The following SUSD1 variants were observed in gnomAD, a reference collection of about 807,000 sequenced individuals.
SUSD1 encodes sushi domain-containing protein 1.
In SUSD1, 65 loss-of-function variants were observed where a neutral mutation model predicts 86.9. The ratio of observed to expected loss-of-function variants is 0.75; its 90% CI spans 0.61 to 0.92. SUSD1 has a LOEUF of 0.92. Among genes scored for constraint, SUSD1 ranks in the 40% least tolerant of loss-of-function variants. The pLI is 0.00. For missense variants in SUSD1, 850 were observed against 929.7 expected, an observed-to-expected ratio of 0.91 and a Z score of 1.11; for synonymous variants, 346 against 350.0, an observed-to-expected ratio of 0.99 and a Z score of 0.13.
chr9:112,134,386 A>T (rs1268344175), intron 5 of SUSD1, among the ~76,000 whole-genome samples: 1 of 152,254 alleles, frequency 6.6e-6, no homozygotes, highest in African/African-American at 2.4e-5. Flanking sequence ...CACAACCATA[A>T]AAAATAAAAT....
At chr9:112,092,668 G>T (rs1830250126) in intron 10 of SUSD1, among the ~76,000 whole-genome samples, 1 of 152,050 alleles carries the variant, frequency 6.6e-6, no homozygotes, top group Admixed American at 6.5e-5. Flanking sequence ...ATATACCCAT[G>T]CAGGTCACTT....
At chr9:112,088,455 A>C (rs1320548037) in intron 10 of SUSD1, among the ~76,000 whole-genome samples, 1 of 152,234 alleles carries the variant, frequency 6.6e-6, no homozygotes, top group Non-Finnish European at 1.5e-5. Flanking sequence ...GTTGAATGTC[A>C]TAAAGGCAAT....
At chr9:112,115,921 G>A (rs897710173) in intron 6 of SUSD1, among the ~76,000 whole-genome samples, 2 of 151,624 alleles carry the variant, frequency 1.3e-5, no homozygotes, top group African/African-American at 4.8e-5. Context: ...TAAAGATGAT[G>A]TTGGTACCAG....
At chr9:112,079,270 AACAC>A (rs762717521) in intron 11 of SUSD1, among the ~76,000 whole-genome samples, 1 of 152,156 alleles carries the variant, frequency 6.6e-6, no homozygotes, top group Non-Finnish European at 1.5e-5. Context: ...TTTAAATAAA[AACAC>A]ACAAAAGGCT....
At position 112,112,010 on chromosome 9, in the gene SUSD1, A is replaced by C. The variant is rs567885179; in HGVS notation, c.985-170T>G. 427 of 616,534 alleles carry C rather than the reference A, an allele frequency of 6.9e-4. 8 individuals are homozygous for C. In the South Asian group the frequency reaches 8.7e-3, roughly 13 times the overall value. 38.2% of individuals were successfully genotyped at this position (616,534 alleles called of 1,614,324 possible). A position where few individuals can be genotyped will look rare whatever the true frequency, so the allele number is the denominator to read the frequency against. ...TGATAAAGTCTGATCAGCCCAGTGAATATTAAACCCCTAGAGGAGACATAA... is the reference window on the plus strand; with the variant it reads ...TGATAAAGTCTGATCAGCCCAGTGACTATTAAACCCCTAGAGGAGACATAA... On this transcript the variant is annotated intron_variant, in intron 7 of 16. Coordinates refer to ENST00000374270, the MANE Select transcript of SUSD1 (RefSeq NM_022486.5).
intron 5 of SUSD1, among the ~76,000 whole-genome samples, chr9:112,128,624 C>T (rs1831881013): frequency 6.6e-6 from 1 of 152,148 alleles, no homozygotes; most frequent in Non-Finnish European, 1.5e-5. Context: ...AAACTCCTGA[C>T]CTCAAGTGAT....
intron 1 of SUSD1, among the ~76,000 whole-genome samples, chr9:112,159,811 A>T (rs1833489010): frequency 1.3e-5 from 2 of 152,146 alleles, no homozygotes; most frequent in Non-Finnish European, 2.9e-5. Context: ...ACTTTTTTCA[A>T]ATTTGTTGCA....
In SUSD1 at chr9:112,113,245, C is replaced by T. The variant is rs1267731664; in HGVS notation, c.887-377G>A. Among the ~76,000 whole-genome samples, 2 of 152,196 alleles carry T rather than the reference C, an allele frequency of 1.3e-5. No individual in the cohort carries two copies. Among genetic ancestry groups the T allele is most frequent in the African/African-American group, 4.8e-5 (2 of 41,446 alleles). On this transcript the variant is annotated intron_variant, in intron 6 of 16. Transcript: ENST00000374270. The surrounding 1 kb of genome is among the most constrained non-coding windows in gnomAD (Gnocchi z 4.1). The stretch of plus-strand genomic sequence containing the variant: ...GCAACTGCACAGGTAAGACCTACTT[C>T]CACCTTTCTCTTCCCAGCAGAATGA...
intron 1 of SUSD1, among the ~76,000 whole-genome samples, chr9:112,165,352 T>C (rs549872922): frequency 3.5e-4 from 53 of 151,890 alleles, no homozygotes; most frequent in African/African-American, 1.2e-3. Context: ...TAAATTATTA[T>C]TAACTATAGT....
chr9:112,169,410 A>T (rs1290504809), intron 1 of SUSD1: 4 of 151,550 alleles, frequency 2.6e-5, no homozygotes, highest in African/African-American at 7.3e-5. Context: ...AAAAAAAATC[A>T]AAAAACAAAC....
intron 11 of SUSD1, among the ~76,000 whole-genome samples, chr9:112,079,578 A>G (rs554671683): frequency 6.7e-6 from 1 of 150,224 alleles, no homozygotes; most frequent in South Asian, 2.1e-4. Context: ...TTCTTCCAGT[A>G]GAAGTTCATC....
intron 11 of SUSD1, 30 bp downstream of exon 11, chr9:112,080,044 C>G: frequency 6.6e-7 from 1 of 1,520,704 alleles, no homozygotes; most frequent in Non-Finnish European, 9.1e-7. Flanking sequence ...AGACAACCAT[C>G]TATAAATACA....
At chr9:112,123,514 G>A (rs1164237726) in intron 6 of SUSD1, among the ~76,000 whole-genome samples, 2 of 152,078 alleles carry the variant, frequency 1.3e-5, no homozygotes, top group Non-Finnish European at 2.9e-5. Context: ...TATATTAGAT[G>A]GTAAGCCAGG....
intron 9 of SUSD1, among the ~76,000 whole-genome samples, chr9:112,099,167 C>T (rs545174211): frequency 2.0e-5 from 3 of 151,952 alleles, no homozygotes; most frequent in Non-Finnish European, 4.4e-5. Flanking sequence ...CTCAGCCTCC[C>T]GAGTAGTTGG....
chr9:112,170,508 C>A (rs1465237754), intron 1 of SUSD1, among the ~76,000 whole-genome samples: 1 of 152,176 alleles, frequency 6.6e-6, no homozygotes, highest in East Asian at 1.9e-4. Context: ...CTGCACCCCA[C>A]CCAGCCACCA....
Position 112,041,053 on chromosome 9 carries a change from G to A in SUSD1, c.*439C>T. On this transcript the variant is annotated 3_prime_UTR_variant, in exon 17 of 17. Transcript: ENST00000374270. ...AGCCCAAACTTAAGCCCATCTCACT[G>A]CATATTGTAAAGAATGGATTCTGAA... 1 of 213,692 alleles carries A rather than the reference G, an allele frequency of 4.7e-6. No individual in the cohort carries two copies. Among genetic ancestry groups the A allele is most frequent in the Non-Finnish European group, 9.3e-6 (1 of 107,420 alleles). 13.2% of individuals were successfully genotyped at this position (213,692 alleles called of 1,614,324 possible).
At chr9:112,160,772 A>G (rs1259224240) in intron 1 of SUSD1, among the ~76,000 whole-genome samples, 1 of 141,632 alleles carries the variant, frequency 7.1e-6, no homozygotes, top group East Asian at 2.0e-4. Context: ...CAGGAAGCAG[A>G]GTCTTTGCAA....
In SUSD1 at chr9:112,062,983, G is replaced by T. The variant is rs760856260; in HGVS notation, c.1804C>A (p.Pro602Thr). The part of the protein sequence containing the change: ...EFFTVHRGPL[P>T]RLRLRKAKEK... The stretch of plus-strand genomic sequence containing the variant: ...TTGGCTTTCCTCAGTCTGAGGCGTG[G>T]TAGAGGTCCTCTGTGCACCGTAAAA... The change falls in exon 13 of 17, where the codon CCA becomes ACA. Residue 602 changes from proline to threonine, a missense_variant. Transcript: ENST00000374270. The T allele has an allele frequency of 6.2e-7, 1 of 1,613,656 alleles. No individual in the cohort carries two copies. The highest frequency in any genetic ancestry group is 1.1e-5 in the South Asian group (1 of 91,060).
At chr9:112,156,169 A>G (rs1204109796) in intron 2 of SUSD1, among the ~76,000 whole-genome samples, 1 of 151,524 alleles carries the variant, frequency 6.6e-6, no homozygotes, top group Non-Finnish European at 1.5e-5. Context: ...GGTAAAAAAA[A>G]AAAAAACTCA....
Sources: gnomAD v4.1 joint callset for allele counts (sites outside exome capture counted in the v4.1 genomes callset) on GRCh38, gnomAD v4.1.1 for gene constraint, Gnocchi (gnomAD v3.1) non-coding constraint, MANE v1.5 for transcripts, NCBI Gene and HGNC (gene_info 2026-07-23, HGNC 2026-07-21) for gene names.